HS6ST2: variants seen among roughly 807,000 people sequenced by gnomAD.
HS6ST2 encodes heparan sulfate 6-O-sulfotransferase 2.
In HS6ST2, 17 loss-of-function variants were observed where a neutral mutation model predicts 33.0. The ratio of observed to expected loss-of-function variants is 0.52; its 90% CI spans 0.35 to 0.77. The LOEUF (loss-of-function observed/expected upper bound fraction) is 0.77. Among genes scored for constraint, HS6ST2 ranks in the 30% least tolerant of loss-of-function variants. HS6ST2 has a pLI of 0.01. For synonymous variants in HS6ST2, 248 were observed against 237.1 expected, an observed-to-expected ratio of 1.05 and a Z score of -0.42; for missense variants, 519 against 551.7, an observed-to-expected ratio of 0.94 and a Z score of 0.59.
At position 132,628,026 on chromosome X, in the gene HS6ST2, T is replaced by C. The variant is rs1358189324; in HGVS notation, c.*197A>G. ...GTCCAACCCCAAAAAGACAATTTAA[T>C]TCCATATTGAGATTTGTTTTACCTA... is the stretch of plus-strand genomic sequence containing the variant. On this transcript the variant is annotated 3_prime_UTR_variant, in exon 5 of 5. Coordinates refer to ENST00000370833, the MANE Select transcript of HS6ST2 (RefSeq NM_001394073.1). 6.2e-6 allele frequency: 2 copies of C among 322,617 alleles called. No homozygotes were observed. Among genetic ancestry groups the C allele is most frequent in the Non-Finnish European group, 1.1e-5 (2 of 185,184 alleles). The allele number at this position is 322,617 out of a possible 1,213,427, so 26.6% of individuals were successfully genotyped here.
At chrX:132,662,680 T>C (rs904574766) in intron 4 of HS6ST2, among the ~76,000 whole-genome samples, 3 of 112,427 alleles carry the variant, frequency 2.7e-5, no homozygotes, top group African/African-American at 9.7e-5. Flanking sequence ...GGATTTATTA[T>C]GTCACGAAGT....
intron 2 of HS6ST2, among the ~76,000 whole-genome samples, chrX:132,799,674 G>T (rs913108424): frequency 9.0e-6 from 1 of 111,198 alleles, no homozygotes; most frequent in Non-Finnish European, 1.9e-5. Flanking sequence ...GAGCTGCTGT[G>T]CCCAGCCCTC....
chrX:132,682,833 C>G (rs1039064808), intron 3 of HS6ST2, among the ~76,000 whole-genome samples: 4 of 110,628 alleles, frequency 3.6e-5, no homozygotes, highest in African/African-American at 1.3e-4. Context: ...AGGCCAGGCA[C>G]GGTGGCTCAC....
chrX:132,942,807 T>TA (rs765576016), intron 2 of HS6ST2, among the ~76,000 whole-genome samples: 100 of 112,260 alleles, frequency 8.9e-4, no homozygotes, highest in Non-Finnish European at 1.5e-3. Context: ...GCAATGCAAC[T>TA]AACTGCTAAT....
intron 2 of HS6ST2, among the ~76,000 whole-genome samples, chrX:132,794,074 G>T (rs754509978): frequency 8.9e-6 from 1 of 112,959 alleles, no homozygotes; most frequent in South Asian, 3.6e-4. Flanking sequence ...TAGAATTAAA[G>T]AATGCACAAT....
intron 2 of HS6ST2, among the ~76,000 whole-genome samples, chrX:132,937,683 T>G (rs745908056): frequency 4.1e-4 from 46 of 111,591 alleles, no homozygotes; most frequent in Non-Finnish European, 8.1e-4. Flanking sequence ...CCTCATCATG[T>G]GCAAAAATCA....
chrX:132,953,881 G>A, intron 2 of HS6ST2, among the ~76,000 whole-genome samples: 1 of 112,322 alleles, frequency 8.9e-6, no homozygotes, highest in East Asian at 2.8e-4. Flanking sequence ...TTCACTTTGT[G>A]GGAATGACTA....
intron 2 of HS6ST2, among the ~76,000 whole-genome samples, chrX:132,731,872 A>G (rs993801236): frequency 2.8e-5 from 3 of 107,778 alleles, no homozygotes; most frequent in African/African-American, 1.0e-4. Flanking sequence ...AAAAAAGGAA[A>G]TTGGGGAAGC....
chrX:132,961,079 G>T (rs569371051), upstream of HS6ST2, among the ~76,000 whole-genome samples: 4 of 107,308 alleles, frequency 3.7e-5, no homozygotes, highest in South Asian at 1.8e-3. Context: ...AATGACAAAG[G>T]CTCAAATGCT....
chrX:132,666,333 GC>G (rs1327304437), intron 4 of HS6ST2, among the ~76,000 whole-genome samples: 2 of 111,813 alleles, frequency 1.8e-5, no homozygotes, highest in Non-Finnish European at 3.8e-5. Context: ...ACTGTGAACT[GC>G]TTGGGGGCAC....
At chrX:132,664,099 C>G (rs914585662) in intron 4 of HS6ST2, among the ~76,000 whole-genome samples, 1 of 112,147 alleles carries the variant, frequency 8.9e-6, no homozygotes, top group Non-Finnish European at 1.9e-5. Context: ...CAACCTCTGC[C>G]TCCTGGGTTC....
At chrX:132,718,874 T>TGTGG (rs2064301808) in intron 2 of HS6ST2, among the ~76,000 whole-genome samples, 1 of 111,081 alleles carries the variant, frequency 9.0e-6, no homozygotes, top group African/African-American at 3.3e-5. Flanking sequence ...GGTCTCTCTC[T>TGTGG]CTCTCTCTCT....
At chrX:132,857,421 T>C (rs752928493) in intron 2 of HS6ST2, among the ~76,000 whole-genome samples, 14 of 107,855 alleles carry the variant, frequency 1.3e-4, no homozygotes, top group Non-Finnish European at 1.9e-4. Flanking sequence ...GAGGCAGAGG[T>C]TGCAGTGAGC....
At chrX:132,691,942 C>T (rs1311414191) in intron 3 of HS6ST2, among the ~76,000 whole-genome samples, 4 of 112,221 alleles carry the variant, frequency 3.6e-5, no homozygotes, top group African/African-American at 1.3e-4. Context: ...TACCCTCTGA[C>T]TTCTGCAAGG....
At chrX:132,640,309 G>A (rs2148168257) in intron 4 of HS6ST2, among the ~76,000 whole-genome samples, 1 of 110,959 alleles carries the variant, frequency 9.0e-6, no homozygotes, top group East Asian at 2.9e-4. Flanking sequence ...TGGTCATCAA[G>A]GAAGGCTTCA....
At chrX:132,632,657 A>G (rs1404603288) in intron 4 of HS6ST2, among the ~76,000 whole-genome samples, 1 of 110,478 alleles carries the variant, frequency 9.1e-6, no homozygotes, top group African/African-American at 3.3e-5. Flanking sequence ...AAGTGTTTCA[A>G]TTGTGTGTGC....
chrX:132,728,571 T>C (rs1417308110), intron 2 of HS6ST2, among the ~76,000 whole-genome samples: 2 of 112,087 alleles, frequency 1.8e-5, no homozygotes, highest in African/African-American at 6.5e-5. Context: ...ATTCACAGCA[T>C]CAGGCCCAGC....
chrX:132,867,971 T>C (rs1419152172), intron 2 of HS6ST2, among the ~76,000 whole-genome samples: 1 of 112,003 alleles, frequency 8.9e-6, no homozygotes, highest in African/African-American at 3.2e-5. Context: ...AATGCCCTAA[T>C]TAAAAGACAA....
chrX:132,844,324 G>C (rs1200387426), intron 2 of HS6ST2, among the ~76,000 whole-genome samples: 1 of 111,540 alleles, frequency 9.0e-6, no homozygotes, highest in Non-Finnish European at 1.9e-5. Flanking sequence ...AAATAGAGAG[G>C]CTCCAATGTC....
Sources: allele counts gnomAD v4.1 joint callset (sites outside exome capture counted in the v4.1 genomes callset), GRCh38; gene constraint gnomAD v4.1.1; transcripts MANE v1.5; gene names NCBI Gene and HGNC (gene_info 2026-07-23, HGNC 2026-07-21).